The following BBS12 variants were observed in gnomAD, a reference collection of about 807,000 sequenced individuals.
BBS12 encodes chaperonin-containing T-complex member BBS12.
Under a neutral mutation model 5.6 loss-of-function variants are expected in BBS12, and 5 were observed. The observed-to-expected ratio is 0.89, with a 90% CI of 0.46 to 1.86. BBS12 has a LOEUF of 1.86. Ranked by LOEUF, BBS12 falls within the 40% of genes most tolerant of loss-of-function variation. The pLI is 0.01. For synonymous variants in BBS12, 308 were observed against 306.8 expected (o/e 1.00, Z -0.04); for missense variants, 748 against 830.4 (o/e 0.90, Z 1.22).
the BBS12 span, among the ~76,000 whole-genome samples, chr4:122,714,655 C>T: frequency 6.6e-6 from 1 of 151,916 alleles, no homozygotes; most frequent in Non-Finnish European, 1.5e-5. Context: ...TACACACACA[C>T]ACACATATGT....
chr4:122,717,043 C>T, the BBS12 span, among the ~76,000 whole-genome samples: 1 of 152,276 alleles, frequency 6.6e-6, no homozygotes, highest in Non-Finnish European at 1.5e-5. Context: ...GAGTGGCCTC[C>T]ATGCTCCATT....
chr4:122,740,429 C>G (rs778543604), intron 1 of BBS12, among the ~76,000 whole-genome samples: 6 of 152,162 alleles, frequency 3.9e-5, no homozygotes, highest in Non-Finnish European at 8.8e-5. Context: ...TCCCATTGAA[C>G]CTGTGGTGGA....
At chr4:122,710,401 T>C in the BBS12 span, among the ~76,000 whole-genome samples, 12 of 152,244 alleles carry the variant, frequency 7.9e-5, no homozygotes, top group Non-Finnish European at 1.3e-4. Context: ...CAGGAAACTT[T>C]CTTTTCCCAA....
chr4:122,735,442 G>A (rs1800771494), intron 1 of BBS12, among the ~76,000 whole-genome samples: 2 of 152,144 alleles, frequency 1.3e-5, no homozygotes, highest in East Asian at 3.8e-4. Flanking sequence ...TGGCAGTGGA[G>A]TAATCTGTTT....
chr4:122,730,117 C>T (rs1386775659), upstream of BBS12: 1 of 152,154 alleles, frequency 6.6e-6, no homozygotes, highest in African/African-American at 2.4e-5. Context: ...AATAATGTTT[C>T]CAGACAGTTC....
upstream of BBS12, chr4:122,731,564 T>A (rs1322681968): frequency 6.6e-6 from 1 of 152,214 alleles, no homozygotes; most frequent in Non-Finnish European, 1.5e-5. Flanking sequence ...ATTTTTATAC[T>A]CATAATGGCA....
chr4:122,719,753 A>G, the BBS12 span, among the ~76,000 whole-genome samples: 1 of 152,240 alleles, frequency 6.6e-6, no homozygotes. Context: ...ACAGTTGTGC[A>G]ATGCTGCAAA....
the BBS12 span, among the ~76,000 whole-genome samples, chr4:122,718,244 G>A: frequency 6.6e-6 from 1 of 152,144 alleles, no homozygotes; most frequent in South Asian, 2.1e-4. Context: ...CAAAACCAAA[G>A]GCAAACTGTT....
the BBS12 span, among the ~76,000 whole-genome samples, chr4:122,704,493 T>C: frequency 6.6e-6 from 1 of 152,212 alleles, no homozygotes; most frequent in Admixed American, 6.5e-5. Flanking sequence ...GCAATCATCA[T>C]CATCTCTTGA....
At chr4:122,733,740 A>G (rs1219643863) in intron 1 of BBS12, among the ~76,000 whole-genome samples, 1 of 151,976 alleles carries the variant, frequency 6.6e-6, no homozygotes, top group Non-Finnish European at 1.5e-5. Context: ...CTAACCTTTA[A>G]TTGCTCACAC....
intron 1 of BBS12, among the ~76,000 whole-genome samples, chr4:122,737,957 T>C (rs1218408114): frequency 6.6e-6 from 1 of 152,218 alleles, no homozygotes; most frequent in African/African-American, 2.4e-5. Flanking sequence ...ACTGGGACAA[T>C]TGGATATCCA....
chr4:122,723,621 T>C, the BBS12 span, among the ~76,000 whole-genome samples: 2 of 152,168 alleles, frequency 1.3e-5, no homozygotes, highest in African/African-American at 4.8e-5. Context: ...AAACCATAAA[T>C]TTTCCCCACT....
At chr4:122,728,126 A>G (rs1800648144), upstream of BBS12, among the ~76,000 whole-genome samples, 1 of 152,240 alleles carries the variant, frequency 6.6e-6, no homozygotes, top group Non-Finnish European at 1.5e-5. Context: ...AAATATTTAA[A>G]TTAAAATGCA....
At position 122,743,218 on chromosome 4, in the gene BBS12, G is replaced by A. The variant is rs1035420094; in HGVS notation, c.1326G>A (p.Met442Ile). 4 of 1,614,214 alleles carry A rather than the reference G, an allele frequency of 2.5e-6. No homozygotes were observed. Among genetic ancestry groups the A allele is most frequent in the Non-Finnish European group, 3.4e-6 (4 of 1,180,046 alleles). The change falls in exon 2 of 2, where the codon ATG becomes ATA. Residue 442 changes from methionine to isoleucine, a missense_variant. Met to Ile is a conservative substitution (Grantham distance 10). Transcript: ENST00000314218. ...LVIGSVNGSV[M>I]QAFAEAAGAV... ...TCGGCTCAGTGAATGGCAGTGTGAT[G>A]CAGGCTTTTGCAGAGGCTGCAGGAG...
chr4:122,732,425 C>G (rs1431161647), upstream of BBS12: 1 of 152,390 alleles, frequency 6.6e-6, no homozygotes, highest in African/African-American at 2.4e-5. Flanking sequence ...TCACCAGGTC[C>G]CCAGCCGGCA....
At chr4:122,710,252 T>C in the BBS12 span, among the ~76,000 whole-genome samples, 4 of 152,220 alleles carry the variant, frequency 2.6e-5, no homozygotes, top group African/African-American at 9.6e-5. Flanking sequence ...AAAAATCTTA[T>C]TTGACCTTCC....
the BBS12 span, among the ~76,000 whole-genome samples, chr4:122,708,221 A>G: frequency 6.6e-6 from 1 of 152,018 alleles, no homozygotes; most frequent in Non-Finnish European, 1.5e-5. Flanking sequence ...CATATTGCCC[A>G]AGCTGTCTTG....
the BBS12 span, among the ~76,000 whole-genome samples, chr4:122,719,896 GA>G: frequency 6.6e-6 from 1 of 152,170 alleles, no homozygotes. Flanking sequence ...TCTGAAAGAG[GA>G]AAACCTTAAT....
chr4:122,732,754 C>A lies in BBS12; in HGVS notation c.-141C>A, dbSNP rs1255321114. The A allele has an allele frequency of 6.6e-6, 1 of 152,408 alleles. No homozygotes were observed. The highest frequency in any genetic ancestry group is 1.5e-5 in the Non-Finnish European group (1 of 68,184). 9.4% of individuals were successfully genotyped at this position (152,408 alleles called of 1,614,324 possible). ...CTCCAGAAGCCCCTCTTCGCACATG[C>A]GCAAACTGCGGACGGGGAACTGGGC... On this transcript the variant is annotated 5_prime_UTR_variant, in exon 1 of 2. Coordinates refer to ENST00000314218, the MANE Select transcript of BBS12 (RefSeq NM_152618.3).
Sources: gnomAD v4.1 joint callset for allele counts (sites outside exome capture counted in the v4.1 genomes callset) on GRCh38, gnomAD v4.1.1 for gene constraint, MANE v1.5 for transcripts, NCBI Gene and HGNC (gene_info 2026-07-23, HGNC 2026-07-21) for gene names.